Variants in WNK2 observed in about 807,000 individuals in gnomAD.
WNK2 encodes the protein serine/threonine-protein kinase WNK2.
Under a neutral mutation model 192.1 loss-of-function variants are expected in WNK2, and 67 were observed. The observed-to-expected ratio is 0.35, with a 90% CI of 0.29 to 0.43. The LOEUF (loss-of-function observed/expected upper bound fraction) is 0.43. Ranked by LOEUF, WNK2 falls within the 20% of genes least tolerant of loss-of-function variation. WNK2 has a pLI of 1.00. For missense variants in WNK2, 2,698 were observed against 3,089.7 expected (o/e 0.87, Z 3.01); for synonymous variants, 1,439 against 1,393.9 (o/e 1.03, Z -0.72).
chr9:93,198,456 G>A (rs532041885), intron 2 of WNK2, among the ~76,000 whole-genome samples: 36 of 152,300 alleles, frequency 2.4e-4, no homozygotes, highest in Non-Finnish European at 4.3e-4. Flanking sequence ...TGCTTACCCC[G>A]GTAGGGCGTA....
rs1379618619 is a variant in WNK2, at chr9:93,239,820, G to A, written c.1386G>A (p.Glu462=). 6.3e-7 allele frequency: 1 copy of A among 1,584,014 alleles called. No individual in the cohort carries two copies. The highest frequency in any genetic ancestry group is 8.6e-7 in the Non-Finnish European group (1 of 1,165,634). Residue 462 remains glutamate (E), a synonymous_variant, in exon 7 of 30, where the codon GAG becomes GAA. Transcript: ENST00000427277. This position sits in a 1 kb window ranked among gnomAD's most constrained non-coding sequence, Gnocchi z 4.2. ...CAGAGGACACAGGCGTGAGGGTGGA[G>A]CTCGCGGAGGAGGACCACGGCAGGA... The part of the protein sequence containing the change: ...FFAEDTGVRV[E]LAEEDHGRKS...
chr9:93,258,786 C>G (rs1052081524), intron 11 of WNK2, 145 bp from the exon 12 acceptor site: 5 of 691,428 alleles, frequency 7.2e-6, no homozygotes, highest in African/African-American at 5.4e-5. Context: ...AGCAGCTACA[C>G]AAAGGTGTCT....
intron 2 of WNK2, among the ~76,000 whole-genome samples, chr9:93,208,899 G>A (rs1833972707): frequency 6.6e-6 from 1 of 152,128 alleles, no homozygotes; most frequent in South Asian, 2.1e-4. Context: ...TACAAGTTGT[G>A]TGTGTTCTTT....
chr9:93,259,017 G>A lies in WNK2; in HGVS notation c.2469G>A (p.Ala823=), dbSNP rs374257989. 15 of 1,612,662 alleles carry A rather than the reference G, an allele frequency of 9.3e-6. No homozygotes were observed. The highest frequency in any genetic ancestry group is 8.8e-5 in the South Asian group (8 of 91,048). ...LPPALPDLPT[A]TVPPVPPPQY... is the part of the protein sequence containing the mutation. ...CGGCCCTCCCAGACCTGCCGACCGC[G>A]ACTGTGCCTCCCGTGCCACCACCTC... The change falls in exon 12 of 30, where the codon GCG becomes GCA. Residue 823 remains alanine, a synonymous_variant. Transcript: ENST00000427277. The surrounding 1 kb of genome is among the most constrained non-coding windows in gnomAD (Gnocchi z 4.8).
chr9:93,193,862 T>C (rs1233615204), intron 2 of WNK2, among the ~76,000 whole-genome samples: 3 of 152,110 alleles, frequency 2.0e-5, no homozygotes, highest in Admixed American at 2.0e-4. Flanking sequence ...TTAAAAAGAA[T>C]GAAAGAAAAG....
At position 93,247,858 on chromosome 9, in the gene WNK2, C is replaced by A; in HGVS notation, c.1834+24C>A. 5 of 1,530,540 alleles carry A rather than the reference C, an allele frequency of 3.3e-6. No individual in the cohort carries two copies. The highest frequency in any genetic ancestry group is 3.5e-6 in the Non-Finnish European group (4 of 1,144,534). 94.8% of individuals were successfully genotyped at this position (1,530,540 alleles called of 1,614,324 possible). On this transcript the variant is annotated intron_variant, in intron 8 of 29. Transcript: ENST00000427277. This position sits in a 1 kb window ranked among gnomAD's most constrained non-coding sequence, Gnocchi z 5.2. ...CTGTGAGTGCTCAGGGGTGGGATGG[C>A]CATGGGCACCCCTCCCACCTACCCT...
At chr9:93,269,517 C>T (rs1033280853) in intron 19 of WNK2, among the ~76,000 whole-genome samples, 7 of 152,200 alleles carry the variant, frequency 4.6e-5, no homozygotes, top group Admixed American at 6.5e-5. Context: ...AACAAAGCAA[C>T]GAGCTGAAAC....
At chr9:93,233,837 A>G (rs953178928) in intron 4 of WNK2, among the ~76,000 whole-genome samples, 29 of 152,214 alleles carry the variant, frequency 1.9e-4, no homozygotes, top group South Asian at 6.2e-4. Context: ...TCCAAAGTCA[A>G]CAAACATCCA....
At chr9:93,255,506 G>A (rs558309732) in intron 9 of WNK2, among the ~76,000 whole-genome samples, 1 of 152,274 alleles carries the variant, frequency 6.6e-6, no homozygotes, top group East Asian at 1.9e-4. Flanking sequence ...CTCACACCAT[G>A]CTGCCTTTCA....
rs141210851 is a variant in WNK2, at chr9:93,286,603, A to G, written c.4034-2185A>G. 4.1e-3 allele frequency among the ~76,000 whole-genome samples: 631 copies of G among 152,312 alleles called. 2 individuals are homozygous for G. Among genetic ancestry groups the G allele is most frequent in the African/African-American group, 0.013 (540 of 41,558 alleles). On this transcript the variant is annotated intron_variant, in intron 19 of 29. Transcript: ENST00000427277. The stretch of plus-strand genomic sequence containing the variant: ...ACAACCATTATGGAAAACAATGTGG[A>G]CCTTCCTCAAAAAATTAAAATAGAA...
At chr9:93,207,851 G>A (rs1162787720) in intron 2 of WNK2, among the ~76,000 whole-genome samples, 1 of 143,140 alleles carries the variant, frequency 7.0e-6, no homozygotes, top group Non-Finnish European at 1.6e-5. Context: ...GGAAAAAAAA[G>A]AATTCCTGTG....
At chr9:93,215,114 A>G (rs1423994483) in intron 2 of WNK2, among the ~76,000 whole-genome samples, 2 of 150,770 alleles carry the variant, frequency 1.3e-5, no homozygotes, top group African/African-American at 2.4e-5. Flanking sequence ...CTGGGGTATT[A>G]TTTTTATTTA....
chr9:93,206,798 G>C (rs930951526), intron 2 of WNK2, among the ~76,000 whole-genome samples: 1 of 152,180 alleles, frequency 6.6e-6, no homozygotes, highest in Non-Finnish European at 1.5e-5. Flanking sequence ...CTGCTTCCCC[G>C]AGGCAGCTCT....
rs1844339748 is a variant in WNK2, at chr9:93,261,921, G to C, written c.3174G>C (p.Leu1058=). The C allele has an allele frequency of 1.9e-6, 3 of 1,608,362 alleles. No homozygotes were observed. The highest frequency in any genetic ancestry group is 3.3e-5 in the Admixed American group (2 of 59,968). Residue 1058 remains leucine (L), a synonymous_variant, in exon 13 of 30, where the codon CTG becomes CTC. Coordinates refer to ENST00000427277, the MANE Select transcript of WNK2 (RefSeq NM_006648.4). ...TCTCGCCGCCTCTGCCGGAAGTGCT[G>C]CTGCCTGCCGCCCCTGAGCTCCTGC... ...AVLSPPLPEV[L]LPAAPELLPQ...
At chr9:93,236,347 C>T (rs966858079) in intron 5 of WNK2, among the ~76,000 whole-genome samples, 2 of 152,106 alleles carry the variant, frequency 1.3e-5, no homozygotes, top group African/African-American at 4.8e-5. Flanking sequence ...CCTGTGTCTG[C>T]CCCAGGCTGG....
chr9:93,226,981 G>A (rs1837923899), intron 2 of WNK2, among the ~76,000 whole-genome samples: 1 of 152,138 alleles, frequency 6.6e-6, no homozygotes, highest in Admixed American at 6.5e-5. Flanking sequence ...GATCCCGGGA[G>A]GGGAGTGGCT....
chr9:93,257,039 C>T lies in WNK2; in HGVS notation c.2282C>T (p.Pro761Leu), dbSNP rs757872385. 11 of 1,604,480 alleles carry T rather than the reference C, an allele frequency of 6.9e-6. No individual in the cohort carries two copies. The highest frequency in any genetic ancestry group is 2.2e-5 in the East Asian group (1 of 44,632). The stretch of plus-strand genomic sequence containing the variant: ...CAGCCGGTTCCCCCCCACCTGCCAC[C>T]GTACCTGGCTCCAGCCTCCCAGGTG... ...PLQPVPPHLP[P>L]YLAPASQVGA... The change falls in exon 11 of 30, where the codon CCG (proline) becomes CTG (leucine). Residue 761 changes from proline (P) to leucine (L), a missense_variant. Coordinates refer to ENST00000427277, the MANE Select transcript of WNK2 (RefSeq NM_006648.4). This position sits in a 1 kb window ranked among gnomAD's most constrained non-coding sequence, Gnocchi z 4.7.
chr9:93,189,175 AC>A (rs1438881861), intron 2 of WNK2, among the ~76,000 whole-genome samples: 1 of 151,382 alleles, frequency 6.6e-6, no homozygotes, highest in Non-Finnish European at 1.5e-5. Flanking sequence ...CTTGGTTTTC[AC>A]CCCCTTTAAC....
chr9:93,184,191 G>A lies in WNK2; in HGVS notation c.-197G>A, dbSNP rs1361070148. Reference sequence around the variant, plus strand: ...GCGGGAGCGGAGCCGCGCGAAGCCGGCAGGAGCACGCGGGAGCGCGGCCCC... The same window carrying A: ...GCGGGAGCGGAGCCGCGCGAAGCCGACAGGAGCACGCGGGAGCGCGGCCCC... On this transcript the variant is annotated 5_prime_UTR_variant, in exon 1 of 30. Transcript: ENST00000427277. Among the ~76,000 whole-genome samples the A allele has an allele frequency of 6.7e-6, 1 of 150,206 alleles. No individual in the cohort carries two copies. Among genetic ancestry groups the A allele is most frequent in the Non-Finnish European group, 1.5e-5 (1 of 67,346 alleles).
Sources: allele counts gnomAD v4.1 joint callset (sites outside exome capture counted in the v4.1 genomes callset), GRCh38; gene constraint gnomAD v4.1.1; non-coding constraint Gnocchi (gnomAD v3.1); transcripts MANE v1.5; gene names NCBI Gene and HGNC (gene_info 2026-07-23, HGNC 2026-07-21).